Variants in FSTL5 observed in about 807,000 individuals in gnomAD.
FSTL5 encodes follistatin-related protein 5.
Under a neutral mutation model 89.1 loss-of-function variants are expected in FSTL5, and 62 were observed. That is an observed-to-expected ratio of 0.70 (90% confidence interval 0.57 to 0.86). FSTL5 has a LOEUF of 0.86. Ranked by LOEUF, FSTL5 falls within the 40% of genes least tolerant of loss-of-function variation. The pLI is 0.00. For missense variants in FSTL5, 1,057 were observed against 1,001.6 expected, an observed-to-expected ratio of 1.06 and a Z score of -0.75; for synonymous variants, 383 against 346.2, an observed-to-expected ratio of 1.11 and a Z score of -1.18.
intron 1 of FSTL5, among the ~76,000 whole-genome samples, chr4:162,125,511 ATGTTTTT>A (rs1732045137): frequency 6.6e-6 from 1 of 152,084 alleles, no homozygotes; most frequent in African/African-American, 2.4e-5. Flanking sequence ...ATCTGTGGTT[ATGTTTTT>A]AAGTTCTCTA....
At chr4:161,869,192 G>A (rs1268562328) in intron 4 of FSTL5, among the ~76,000 whole-genome samples, 4 of 152,200 alleles carry the variant, frequency 2.6e-5, no homozygotes, top group Non-Finnish European at 4.4e-5. Context: ...ACAAGACTCC[G>A]TCTCAAAAAT....
At chr4:161,825,177 T>C (rs1420865936) in intron 4 of FSTL5, among the ~76,000 whole-genome samples, 5 of 152,304 alleles carry the variant, frequency 3.3e-5, no homozygotes, top group Middle Eastern at 3.4e-3. Context: ...TAATTCTGTT[T>C]ATGTGGCGTA....
intron 3 of FSTL5, among the ~76,000 whole-genome samples, chr4:161,984,117 C>A (rs1462936298): frequency 6.6e-6 from 1 of 151,964 alleles, no homozygotes; most frequent in Non-Finnish European, 1.5e-5. Flanking sequence ...TTACAAAATA[C>A]AATATTCTAA....
At chr4:161,832,378 G>A (rs993867820) in intron 4 of FSTL5, among the ~76,000 whole-genome samples, 1 of 152,104 alleles carries the variant, frequency 6.6e-6, no homozygotes, top group Non-Finnish European at 1.5e-5. Flanking sequence ...TTGGTATCAG[G>A]ATGATGCTGG....
intron 3 of FSTL5, among the ~76,000 whole-genome samples, chr4:161,977,624 AAAAAAAAAAAAAAAAAAT>A (rs1396534827): frequency 6.7e-5 from 7 of 104,384 alleles, no homozygotes; most frequent in African/African-American, 2.6e-4. Flanking sequence ...AAAAAAAAAA[AAAAAAAAAAAAAAAAAAT>A]AATAATAATA....
intron 3 of FSTL5, among the ~76,000 whole-genome samples, chr4:162,002,800 T>G (rs112994174): frequency 0.22 from 33,683 of 151,934 alleles, 3,974 homozygotes; most frequent in East Asian, 0.42. Flanking sequence ...TGTTGTTTTT[T>G]TTTTCATGTA....
At chr4:162,086,078 T>C (rs1730305631) in intron 2 of FSTL5, among the ~76,000 whole-genome samples, 1 of 152,086 alleles carries the variant, frequency 6.6e-6, no homozygotes, top group Non-Finnish European at 1.5e-5. Context: ...TAATATTTAA[T>C]ATTCTTTTCC....
chr4:161,939,936 C>T (rs984178878), intron 3 of FSTL5, among the ~76,000 whole-genome samples: 5 of 151,650 alleles, frequency 3.3e-5, no homozygotes, highest in African/African-American at 1.2e-4. Context: ...AATGCTAAGT[C>T]AAGAAAAAGG....
chr4:161,513,965 T>C (rs929205093), intron 10 of FSTL5, among the ~76,000 whole-genome samples: 1 of 152,066 alleles, frequency 6.6e-6, no homozygotes, highest in African/African-American at 2.4e-5. Flanking sequence ...AATCTGAACA[T>C]GAACCCCTGA....
intron 2 of FSTL5, among the ~76,000 whole-genome samples, chr4:162,068,143 T>C (rs565620096): frequency 6.6e-6 from 1 of 152,254 alleles, no homozygotes; most frequent in South Asian, 2.1e-4. Context: ...AGTTTATAGA[T>C]TCAATGCTAT....
At chr4:162,064,291 GAA>G in intron 2 of FSTL5, among the ~76,000 whole-genome samples, 1 of 152,096 alleles carries the variant, frequency 6.6e-6, no homozygotes, top group Non-Finnish European at 1.5e-5. Flanking sequence ...CTACTTACTA[GAA>G]GGGATGTGAA....
intron 1 of FSTL5, among the ~76,000 whole-genome samples, chr4:162,130,396 C>T (rs79738712): frequency 0.096 from 14,530 of 152,142 alleles, 884 homozygotes; most frequent in African/African-American, 0.16. Context: ...GTGTTTCCTA[C>T]GCAAGTGATT....
intron 1 of FSTL5, among the ~76,000 whole-genome samples, chr4:162,141,102 C>A (rs1295588699): frequency 2.3e-5 from 2 of 88,636 alleles, no homozygotes; most frequent in African/African-American, 4.2e-5. Flanking sequence ...TCCCTCCCTT[C>A]TCTCTTTTTT....
At chr4:161,439,685 A>G (rs1490076247) in intron 15 of FSTL5, among the ~76,000 whole-genome samples, 2 of 151,908 alleles carry the variant, frequency 1.3e-5, no homozygotes, top group Non-Finnish European at 2.9e-5. Context: ...ACAATTTGGT[A>G]TACATTTGCT....
At chr4:161,777,399 A>G (rs1238540972) in intron 4 of FSTL5, among the ~76,000 whole-genome samples, 1 of 151,912 alleles carries the variant, frequency 6.6e-6, no homozygotes, top group Non-Finnish European at 1.5e-5. Flanking sequence ...CTGTCTTTTG[A>G]GTATATATCC....
At chr4:161,486,077 G>C (rs1343891754) in intron 12 of FSTL5, among the ~76,000 whole-genome samples, 2 of 148,898 alleles carry the variant, frequency 1.3e-5, no homozygotes, top group East Asian at 2.0e-4. Flanking sequence ...CCAGGAGGCA[G>C]AGGTTGCAGT....
At chr4:161,559,725 T>C (rs548283642) in intron 8 of FSTL5, among the ~76,000 whole-genome samples, 2 of 152,104 alleles carry the variant, frequency 1.3e-5, no homozygotes, top group Admixed American at 6.6e-5. Context: ...ATATATCATA[T>C]GCATGTAAAA....
intron 4 of FSTL5, among the ~76,000 whole-genome samples, chr4:161,858,968 T>A (rs898160510): frequency 6.6e-6 from 1 of 152,228 alleles, no homozygotes. Context: ...GGCTTTGCAA[T>A]TTATGGTTTC....
intron 8 of FSTL5, among the ~76,000 whole-genome samples, chr4:161,562,641 G>C (rs939779937): frequency 6.6e-6 from 1 of 151,410 alleles, no homozygotes; most frequent in African/African-American, 2.4e-5. Context: ...ATTGGTCATT[G>C]CTAGTGTATG....
Sources: allele counts gnomAD v4.1 joint callset (sites outside exome capture counted in the v4.1 genomes callset), GRCh38; gene constraint gnomAD v4.1.1; transcripts MANE v1.5; gene names NCBI Gene and HGNC (gene_info 2026-07-23, HGNC 2026-07-21).